Variants in LOXL2 observed in about 807,000 individuals in gnomAD.
The protein encoded by LOXL2 is lysyl oxidase like 2.
Under a neutral mutation model 93.0 loss-of-function variants are expected in LOXL2, and 70 were observed. The ratio of observed to expected loss-of-function variants is 0.75; its 90% CI spans 0.62 to 0.92. The LOEUF (loss-of-function observed/expected upper bound fraction) is 0.92. Ranked by LOEUF, LOXL2 falls within the 40% of genes least tolerant of loss-of-function variation. LOXL2 has a pLI of 0.00. For missense variants in LOXL2, 973 were observed against 1,054.9 expected, an observed-to-expected ratio of 0.92 and a Z score of 1.08; for synonymous variants, 438 against 413.2, an observed-to-expected ratio of 1.06 and a Z score of -0.73.
chr8:23,337,013 A>G (rs933604669), intron 4 of LOXL2: 1 of 151,936 alleles, frequency 6.6e-6, no homozygotes, highest in Non-Finnish European at 1.5e-5. Context: ...AGGGGTCATG[A>G]CTCTACTCTG....
intron 1 of LOXL2, among the ~76,000 whole-genome samples, chr8:23,388,505 G>A (rs983756900): frequency 6.6e-6 from 1 of 151,862 alleles, no homozygotes; most frequent in Admixed American, 6.6e-5. Flanking sequence ...GATCACTTGA[G>A]CCCAGGAGGT....
intron 1 of LOXL2, among the ~76,000 whole-genome samples, chr8:23,392,710 A>G (rs775223452): frequency 2.0e-5 from 3 of 151,378 alleles, no homozygotes; most frequent in Non-Finnish European, 4.4e-5. Context: ...CTGCTTTTAC[A>G]CCCCCCTGCC....
chr8:23,364,192 C>T (rs1173179789), intron 2 of LOXL2: 1 of 152,078 alleles, frequency 6.6e-6, no homozygotes, highest in African/African-American at 2.4e-5. Context: ...TTTCCCTCTA[C>T]AGGCTTAGTG....
intron 2 of LOXL2, 82 bp downstream of exon 2, chr8:23,367,915 C>T (rs1804431340): frequency 1.8e-6 from 2 of 1,129,050 alleles, no homozygotes; most frequent in Admixed American, 4.1e-5. Flanking sequence ...CGTGCAGCCT[C>T]CTCTCCCAGG....
At chr8:23,356,255 G>A (rs768337331) in intron 3 of LOXL2, among the ~76,000 whole-genome samples, 3 of 152,124 alleles carry the variant, frequency 2.0e-5, no homozygotes, top group Non-Finnish European at 2.9e-5. Flanking sequence ...GTTCACCCTG[G>A]GTATCATTAG....
At chr8:23,314,836 A>AC (rs1406804656) in intron 9 of LOXL2, among the ~76,000 whole-genome samples, 2 of 142,336 alleles carry the variant, frequency 1.4e-5, no homozygotes, top group African/African-American at 6.1e-5. Flanking sequence ...AAAAAAGAAA[A>AC]AAATAAAAAT....
chr8:23,297,720 G>GGTC lies in LOXL2; in HGVS notation c.*322_*323insGAC. 1 of 266,678 alleles carries GGTC rather than the reference G, an allele frequency of 3.7e-6. No homozygotes were observed. Among genetic ancestry groups the GGTC allele is most frequent in the Non-Finnish European group, 7.2e-6 (1 of 139,590 alleles). 16.5% of individuals were successfully genotyped at this position (266,678 alleles called of 1,614,324 possible). ...CCACTGTGTCTGTGGTGAGCTCGGT[G>GGTC]GCTTGAATGGGACAAGCTGATGACA... is the stretch of plus-strand genomic sequence containing the variant. On this transcript the variant is annotated 3_prime_UTR_variant, in exon 14 of 14. Transcript: ENST00000389131.
At chr8:23,328,708 GAT>G (rs1491196465) in intron 5 of LOXL2, 143 bp from the exon 6 acceptor site, 3 of 422,736 alleles carry the variant, frequency 7.1e-6, no homozygotes, top group Admixed American at 3.5e-5. Context: ...TTGATGTATG[GAT>G]GTGTGTGTGT....
chr8:23,315,728 C>T (rs1346819694), intron 9 of LOXL2, among the ~76,000 whole-genome samples: 6 of 152,176 alleles, frequency 3.9e-5, no homozygotes, highest in Non-Finnish European at 8.8e-5. Flanking sequence ...ATAGAACCCC[C>T]TAGTACACAT....
chr8:23,305,727 G>A (rs529128739), intron 10 of LOXL2, among the ~76,000 whole-genome samples: 165 of 152,296 alleles, frequency 1.1e-3, no homozygotes, highest in African/African-American at 3.8e-3. Context: ...GGGAGAGAGA[G>A]CCTGACACTT....
intron 2 of LOXL2, among the ~76,000 whole-genome samples, chr8:23,362,603 G>A (rs529762008): frequency 3.0e-4 from 46 of 152,152 alleles, no homozygotes; most frequent in Middle Eastern, 3.4e-3. Context: ...GCATGGTGGC[G>A]CACGCCTGTA....
intron 1 of LOXL2, among the ~76,000 whole-genome samples, chr8:23,395,148 G>C (rs2117239437): frequency 6.6e-6 from 1 of 152,246 alleles, no homozygotes; most frequent in African/African-American, 2.4e-5. Flanking sequence ...CAGCTACTTG[G>C]GAGGATGAGG....
Position 23,297,861 on chromosome 8 carries a change from C to A in LOXL2, c.*182G>T. 1 of 569,366 alleles carries A rather than the reference C, an allele frequency of 1.8e-6. No individual in the cohort carries two copies. Among genetic ancestry groups the A allele is most frequent in the Non-Finnish European group, 3.1e-6 (1 of 320,216 alleles). 35.3% of individuals were successfully genotyped at this position (569,366 alleles called of 1,614,324 possible). On this transcript the variant is annotated 3_prime_UTR_variant, in exon 14 of 14. Transcript: ENST00000389131. ...CAGGCCCCAAGGGTCAGGTAGCAGC[C>A]CCCCATGAATGATGGGAGGGTCCCT...
chr8:23,303,460 G>T, intron 10 of LOXL2, 63 bp from the exon 11 acceptor site: 1 of 950,918 alleles, frequency 1.1e-6, no homozygotes, highest in Non-Finnish European at 1.7e-6. Context: ...TGCAAGCAGA[G>T]GCCTGGCTGG....
At chr8:23,319,630 T>C (rs1021818214) in intron 8 of LOXL2, among the ~76,000 whole-genome samples, 7 of 151,962 alleles carry the variant, frequency 4.6e-5, no homozygotes, top group Admixed American at 2.0e-4. Flanking sequence ...GAGTGGACCA[T>C]GAAAAGCAGA....
intron 2 of LOXL2, among the ~76,000 whole-genome samples, chr8:23,360,892 G>A (rs537755557): frequency 6.6e-6 from 1 of 151,826 alleles, no homozygotes; most frequent in East Asian, 1.9e-4. Context: ...GAGGTTTGTG[G>A]GGTTTTTTTT....
At position 23,372,768 on chromosome 8, in the gene LOXL2, GA is replaced by G. The variant is rs1447956597; in HGVS notation, c.-83-4335del. Among the ~76,000 whole-genome samples, 9 of 152,104 alleles carry G rather than the reference GA, an allele frequency of 5.9e-5. No individual in the cohort carries two copies. The East Asian group carries it at 1.4e-3, about 23-fold the overall frequency. ...AAAGAAATATTGATAGAACTAAAAG[GA>G]AAAAATAGACAAATTCATAATCAGA... On this transcript the variant is annotated intron_variant, in intron 1 of 13. Coordinates refer to ENST00000389131, the MANE Select transcript of LOXL2 (RefSeq NM_002318.3).
chr8:23,319,741 G>T, intron 8 of LOXL2, 144 bp downstream of exon 8: 2 of 859,396 alleles, frequency 2.3e-6, no homozygotes, highest in Non-Finnish European at 1.8e-6. Context: ...CCAGAGCGAG[G>T]CTCCCTGCCT....
At chr8:23,362,780 A>G (rs900229526) in intron 2 of LOXL2, among the ~76,000 whole-genome samples, 7 of 152,146 alleles carry the variant, frequency 4.6e-5, no homozygotes, top group African/African-American at 1.7e-4. Flanking sequence ...TGTGATGTAC[A>G]TTTGGCCATA....
Sources: gnomAD v4.1 joint callset for allele counts (sites outside exome capture counted in the v4.1 genomes callset) on GRCh38, gnomAD v4.1.1 for gene constraint, MANE v1.5 for transcripts, NCBI Gene and HGNC (gene_info 2026-07-23, HGNC 2026-07-21) for gene names.